RARB: variants seen among roughly 807,000 people sequenced by gnomAD.
RARB encodes HBV-activated protein.
Under a neutral mutation model 51.9 loss-of-function variants are expected in RARB, and 17 were observed. The ratio of observed to expected loss-of-function variants is 0.33; its 90% CI spans 0.22 to 0.49. RARB has a LOEUF of 0.49. RARB is among the 20% of genes least tolerant of loss of function. RARB has a pLI of 0.99. For synonymous variants in RARB, 215 were observed against 195.4 expected (o/e 1.10, Z -0.84); for missense variants, 369 against 550.8 (o/e 0.67, Z 3.30).
In RARB at chr3:25,279,827, A is replaced by C. The variant is rs146119038; in HGVS notation, c.178+105252A>C. On this transcript the variant is annotated intron_variant, in intron 5 of 11. Transcript: ENST00000383772. Reference sequence around the variant, plus strand: ...GGTAATTTTGTCCCAAACTTTGGTAATATTATATTATACATCCTGTGTCAG... The same window carrying C: ...GGTAATTTTGTCCCAAACTTTGGTACTATTATATTATACATCCTGTGTCAG... Among the ~76,000 whole-genome samples, 61 of 152,248 alleles carry C rather than the reference A, an allele frequency of 4.0e-4. No individual in the cohort carries two copies. In the East Asian group the frequency reaches 0.01, roughly 25 times the overall value.
chr3:25,446,730 G>C (rs1029392510), intron 1 of RARB, among the ~76,000 whole-genome samples: 3 of 149,774 alleles, frequency 2.0e-5, no homozygotes, highest in African/African-American at 7.4e-5. Flanking sequence ...GTGAACCCGG[G>C]AGGCGGAGCT....
At chr3:25,016,924 G>A (rs557338080) in intron 2 of RARB, among the ~76,000 whole-genome samples, 28 of 152,238 alleles carry the variant, frequency 1.8e-4, no homozygotes, top group Non-Finnish European at 3.1e-4. Flanking sequence ...GGGTTCTGAG[G>A]AATGTCCATT....
rs140891941 is a variant in RARB at position 25,200,060 on chromosome 3, C to A, written c.178+25485C>A. On this transcript the variant is annotated intron_variant, in intron 5 of 11. Transcript: ENST00000383772. ...TGGTTGAACTAGTTTACAGTCCCAC[C>A]AGCAGTGTAAAAGTATTCCTATTTC... is the stretch of plus-strand genomic sequence containing the variant. 6.2e-3 allele frequency among the ~76,000 whole-genome samples: 939 copies of A among 152,286 alleles called. 18 individuals are homozygous for A. Among genetic ancestry groups the A allele is most frequent in the East Asian group, 0.03 (154 of 5,170 alleles).
At chr3:24,980,733 T>C (rs748408518) in intron 2 of RARB, among the ~76,000 whole-genome samples, 1 of 152,172 alleles carries the variant, frequency 6.6e-6, no homozygotes, top group Non-Finnish European at 1.5e-5. Flanking sequence ...TCAGATAAGT[T>C]TGTTATTCTG....
At chr3:25,403,886 T>TAAA (rs546197894) in intron 5 of RARB, among the ~76,000 whole-genome samples, 17,775 of 88,180 alleles carry the variant, frequency 0.2, 2,077 homozygotes, top group African/African-American at 0.29. Context: ...TTTCTTTTTC[T>TAAA]AAAAAAAAAA....
chr3:25,093,049 G>T (rs1434907211), intron 3 of RARB, among the ~76,000 whole-genome samples: 1 of 152,134 alleles, frequency 6.6e-6, no homozygotes, highest in Non-Finnish European at 1.5e-5. Context: ...CAATGATACT[G>T]ACTATGGATT....
At position 24,874,794 on chromosome 3, in the gene RARB, GTTTATAT is replaced by G. The variant is rs1703010711; in HGVS notation, c.-380+16052_-380+16058del. On this transcript the variant is annotated intron_variant, in intron 2 of 11. Coordinates refer to the RARB transcript ENST00000383772. ...ATGGCAGTTACCACAATTTTAAATTGTTTATATTTTATATTTGTCTTGATCTTTTTGT... is the reference window on the plus strand; with the variant it reads ...ATGGCAGTTACCACAATTTTAAATTGTTTATATTTGTCTTGATCTTTTTGT... 2.0e-5 allele frequency among the ~76,000 whole-genome samples: 3 copies of G among 151,420 alleles called. No homozygotes were observed. In the South Asian group the frequency reaches 6.2e-4, roughly 31 times the overall value.
chr3:24,922,513 G>A (rs951856390), intron 2 of RARB, among the ~76,000 whole-genome samples: 10 of 152,116 alleles, frequency 6.6e-5, no homozygotes, highest in African/African-American at 2.2e-4. Context: ...TTTTACAGAC[G>A]AGGAAACTGA....
chr3:24,850,377 A>G lies in RARB; in HGVS notation c.-458-8297A>G, dbSNP rs184452832. 4.0e-3 allele frequency among the ~76,000 whole-genome samples: 615 copies of G among 152,332 alleles called. 10 individuals carry two copies. Among genetic ancestry groups the G allele is most frequent in the Admixed American group, 0.035 (543 of 15,308 alleles). ...CTGAAATGTTTCCTGCTTGGAAATG[A>G]CACATATCACTTTAGCTTACATTTC... On this transcript the variant is annotated intron_variant, in intron 1 of 11. Coordinates refer to the RARB transcript ENST00000383772.
At chr3:25,500,454 GTTTTTTTTTTTT>G (rs753321842) in intron 2 of RARB, among the ~76,000 whole-genome samples, 36 of 66,140 alleles carry the variant, frequency 5.4e-4, no homozygotes, top group Non-Finnish European at 8.0e-4. Flanking sequence ...TTCTTTTCTT[GTTTTTTTTTTTT>G]TTTTTTTTTT....
intron 5 of RARB, among the ~76,000 whole-genome samples, chr3:25,325,924 C>G (rs1359092718): frequency 2.6e-5 from 4 of 152,142 alleles, no homozygotes; most frequent in Admixed American, 2.6e-4. Flanking sequence ...AAGTCCAAGA[C>G]CAACAGATTC....
At position 24,954,874 on chromosome 3, in the gene RARB, A is replaced by C. The variant is rs146933871; in HGVS notation, c.-380+96122A>C. On this transcript the variant is annotated intron_variant, in intron 2 of 11. Coordinates refer to the RARB transcript ENST00000383772. ...CAAACTCCTTGCAGGAGTGGGGAGC[A>C]TGCAGGTGAGTGGTTGCAGGAGCCA... Among the ~76,000 whole-genome samples the C allele has an allele frequency of 1.2e-3, 181 of 152,276 alleles. 4 individuals are homozygous for C. In the East Asian group the frequency reaches 0.032, roughly 27 times the overall value.
intron 3 of RARB, among the ~76,000 whole-genome samples, chr3:25,094,012 C>A (rs1174591902): frequency 6.6e-6 from 1 of 152,106 alleles, no homozygotes; most frequent in East Asian, 1.9e-4. Context: ...GACTAACAAC[C>A]CAGAACAAAG....
At chr3:25,156,150 C>T (rs930776951) in intron 4 of RARB, among the ~76,000 whole-genome samples, 9 of 152,148 alleles carry the variant, frequency 5.9e-5, no homozygotes, top group Non-Finnish European at 1.0e-4. Flanking sequence ...CTCAGAATTT[C>T]CATGTGGTGC....
At chr3:24,936,111 T>G (rs1485671767) in intron 2 of RARB, among the ~76,000 whole-genome samples, 1 of 152,146 alleles carries the variant, frequency 6.6e-6, no homozygotes, top group Non-Finnish European at 1.5e-5. Flanking sequence ...CTAGAGATAC[T>G]CTTTGAAATG....
chr3:24,944,758 C>T (rs748957489), intron 2 of RARB, among the ~76,000 whole-genome samples: 2 of 152,154 alleles, frequency 1.3e-5, no homozygotes, highest in Non-Finnish European at 2.9e-5. Context: ...CAGGTACAAG[C>T]ATATTCTTAA....
chr3:25,208,473 A>T (rs932489305), intron 5 of RARB, among the ~76,000 whole-genome samples: 1 of 152,070 alleles, frequency 6.6e-6, no homozygotes, highest in Non-Finnish European at 1.5e-5. Context: ...TTTCTTTGCT[A>T]TATTTAAACA....
intron 2 of RARB, among the ~76,000 whole-genome samples, chr3:25,472,550 G>A (rs937279640): frequency 6.6e-6 from 1 of 152,254 alleles, no homozygotes; most frequent in Non-Finnish European, 1.5e-5. Context: ...AGGTGGAATC[G>A]ATTGTTTCCC....
At chr3:25,259,369 T>A (rs59205781) in intron 5 of RARB, among the ~76,000 whole-genome samples, 1 of 152,212 alleles carries the variant, frequency 6.6e-6, no homozygotes, top group South Asian at 2.1e-4. Context: ...TATGTACTTT[T>A]GTAAATGTAA....
Sources: gnomAD v4.1 joint callset for allele counts (sites outside exome capture counted in the v4.1 genomes callset) on GRCh38, gnomAD v4.1.1 for gene constraint, MANE v1.5 for transcripts, NCBI Gene and HGNC (gene_info 2026-07-23, HGNC 2026-07-21) for gene names.